Variants in POTEF observed in about 807,000 individuals in gnomAD.
POTEF encodes the protein POTE ankyrin domain family member F, also known as ANKRD26-like family C member 1B.
In POTEF, 20 loss-of-function variants were observed where a neutral mutation model predicts 83.2. The ratio of observed to expected loss-of-function variants is 0.24; its 90% confidence interval spans 0.17 to 0.35. POTEF has a LOEUF of 0.35. POTEF is among the 10% of genes least tolerant of loss of function. The pLI, the probability that POTEF is intolerant of heterozygous loss-of-function variation, is 1.00. For missense variants in POTEF, 550 were observed against 1,203.2 expected (o/e 0.46, Z 8.03); for synonymous variants, 196 against 446.4 (o/e 0.44, Z 7.07).
intron 12 of POTEF, among the ~76,000 whole-genome samples, 165 bp downstream of exon 12, chr2:130,093,270 GTAA>G (rs998521877): frequency 3.2e-5 from 3 of 94,564 alleles, no homozygotes; most frequent in Non-Finnish European, 6.1e-5. Flanking sequence ...ATATTACAAT[GTAA>G]TAATAATATA....
chr2:130,098,371 TC>T (rs1277979412), intron 11 of POTEF, among the ~76,000 whole-genome samples: 11 of 150,392 alleles, frequency 7.3e-5, no homozygotes, highest in Non-Finnish European at 3.0e-5. Flanking sequence ...CCATGTACAA[TC>T]CCTTGGCAAT....
chr2:130,083,638 G>A (rs1414963991), intron 15 of POTEF, among the ~76,000 whole-genome samples: 1 of 104,118 alleles, frequency 9.6e-6, no homozygotes, highest in Admixed American at 1.1e-4. Flanking sequence ...GAGGAGTGCT[G>A]AAATTGAAGA....
At chr2:130,124,347 CAAGAA>C (rs1355594767) in intron 2 of POTEF, among the ~76,000 whole-genome samples, 3 of 108,918 alleles carry the variant, frequency 2.8e-5, no homozygotes, top group Non-Finnish European at 5.5e-5. Context: ...CACTTCTAGA[CAAGAA>C]AAGATCTAGC....
intron 2 of POTEF, among the ~76,000 whole-genome samples, chr2:130,126,321 AAAAG>A (rs1685091784): frequency 4.1e-5 from 6 of 146,936 alleles, no homozygotes; most frequent in African/African-American, 1.4e-4. Context: ...AAAAAAAAAA[AAAAG>A]AAAGAAAACA....
intron 2 of POTEF, among the ~76,000 whole-genome samples, chr2:130,121,033 GTT>G: frequency 6.7e-6 from 1 of 150,226 alleles, no homozygotes; most frequent in African/African-American, 2.5e-5. Context: ...CGTGCAAGCC[GTT>G]ACAGGCCGGC....
chr2:130,110,374 G>T (rs1304396557), intron 7 of POTEF, among the ~76,000 whole-genome samples, 169 bp downstream of exon 7: 4 of 151,006 alleles, frequency 2.6e-5, no homozygotes, highest in African/African-American at 7.4e-5. Context: ...CTTCTAACTT[G>T]TCTTGCTTTT....
At position 130,112,026 on chromosome 2, in the gene POTEF, C is replaced by CTT. The variant is rs1282353850; in HGVS notation, c.884_885dup (p.Ala296LysfsTer4). 3 of 1,203,402 alleles carry CTT rather than the reference C, an allele frequency of 2.5e-6. No homozygotes were observed. In the East Asian group the frequency reaches 7.6e-5, roughly 30 times the overall value. The allele number at this position is 1,203,402 out of a possible 1,614,324, so 74.5% of individuals were successfully genotyped here. ...TATCTATCCAGTGCATTTAAATTCG[C>CTT]TTTTTTCTTAATTAAAAATTTCACG... On this transcript the variant is annotated frameshift_variant, in exon 6 of 17. Coordinates refer to ENST00000409914, the MANE Select transcript of POTEF (RefSeq NM_001099771.2). LOFTEE classifies it high-confidence loss of function.
intron 12 of POTEF, among the ~76,000 whole-genome samples, chr2:130,091,503 ATGTTG>A (rs1393594445): frequency 2.6e-5 from 4 of 152,260 alleles, no homozygotes; most frequent in African/African-American, 2.4e-5. Context: ...AGCCCTTTCG[ATGTTG>A]TGTTGTGAGA....
intron 16 of POTEF, among the ~76,000 whole-genome samples, chr2:130,075,889 CCTT>C: frequency 6.6e-6 from 1 of 150,772 alleles, no homozygotes; most frequent in Admixed American, 6.6e-5. Context: ...TTAAAAAAAG[CCTT>C]TTTTCTGAGT....
At chr2:130,126,303 C>CAAAA (rs754556482) in intron 2 of POTEF, among the ~76,000 whole-genome samples, 44 of 122,580 alleles carry the variant, frequency 3.6e-4, no homozygotes, top group South Asian at 5.2e-4. Flanking sequence ...AACTCCATCT[C>CAAAA]AAAAAAAAAA....
intron 8 of POTEF, among the ~76,000 whole-genome samples, chr2:130,106,278 A>AT: frequency 6.6e-6 from 1 of 150,394 alleles, no homozygotes; most frequent in South Asian, 2.1e-4. Flanking sequence ...TACCCAGTAA[A>AT]TTTCCCATGG....
intron 11 of POTEF, among the ~76,000 whole-genome samples, chr2:130,096,651 G>A (rs1684244313): frequency 6.6e-6 from 1 of 152,284 alleles, no homozygotes; most frequent in Non-Finnish European, 1.5e-5. Context: ...AATAGAAAAA[G>A]TCATGAGGGG....
chr2:130,106,009 T>C (rs1263756925), intron 8 of POTEF, among the ~76,000 whole-genome samples: 1 of 151,180 alleles, frequency 6.6e-6, no homozygotes, highest in Non-Finnish European at 1.5e-5. Flanking sequence ...GGAAGCCCTT[T>C]GCATGCTTCT....
intron 16 of POTEF, among the ~76,000 whole-genome samples, chr2:130,076,448 G>C (rs1249782551): frequency 1.3e-5 from 2 of 149,920 alleles, no homozygotes; most frequent in African/African-American, 2.5e-5. Context: ...ATTTGCCATT[G>C]CGGTAACTTT....
chr2:130,125,860 C>T (rs1238427350), intron 2 of POTEF, among the ~76,000 whole-genome samples: 11 of 149,272 alleles, frequency 7.4e-5, no homozygotes, highest in South Asian at 2.1e-4. Context: ...GAGCCAAGAT[C>T]GGGCCATCGT....
chr2:130,128,058 C>T (rs1685142178), intron 1 of POTEF, among the ~76,000 whole-genome samples, 194 bp from the exon 2 acceptor site: 1 of 144,308 alleles, frequency 6.9e-6, no homozygotes, highest in African/African-American at 2.7e-5. Flanking sequence ...CCAGGTGCAA[C>T]TGGCCAGAAA....
At chr2:130,112,990 G>T (rs10803613) in intron 5 of POTEF, among the ~76,000 whole-genome samples, 16 of 151,624 alleles carry the variant, frequency 1.1e-4, no homozygotes, top group Non-Finnish European at 1.9e-4. Flanking sequence ...CCTTCTGAAC[G>T]GCAGTGAATA....
intron 2 of POTEF, among the ~76,000 whole-genome samples, chr2:130,122,157 T>C (rs1159776420): frequency 1.3e-4 from 19 of 145,648 alleles, no homozygotes; most frequent in African/African-American, 4.6e-4. Context: ...AATATGTTTT[T>C]CTTTTTCATT....
intron 8 of POTEF, among the ~76,000 whole-genome samples, chr2:130,103,151 A>AGTGCAGTGGC (rs1179451968): frequency 1.5e-5 from 2 of 137,280 alleles, no homozygotes; most frequent in Non-Finnish European, 3.0e-5. Flanking sequence ...ACCAGGCTGG[A>AGTGCAGTGGC]GTGCAGTGGC....
Sources: gnomAD v4.1 joint callset for allele counts (sites outside exome capture counted in the v4.1 genomes callset) on GRCh38, gnomAD v4.1.1 for gene constraint, MANE v1.5 for transcripts, NCBI Gene and HGNC (gene_info 2026-07-23, HGNC 2026-07-21) for gene names.